The following KIF15 variants were observed in gnomAD, a reference collection of about 807,000 sequenced individuals.
KIF15 encodes the protein kinesin family member 15, also known as kinesin-like protein KIF15.
Under a neutral mutation model 190.6 loss-of-function variants are expected in KIF15, and 140 were observed. That is an observed-to-expected ratio of 0.73 (90% CI 0.64 to 0.84). KIF15 has a LOEUF of 0.84. Among genes scored for constraint, KIF15 ranks in the 40% least tolerant of loss-of-function variants. The pLI is 0.00. For missense variants in KIF15, 1,372 were observed against 1,584.4 expected, an observed-to-expected ratio of 0.87 and a Z score of 2.28; for synonymous variants, 528 against 551.3, an observed-to-expected ratio of 0.96 and a Z score of 0.59.
intron 6 of KIF15, chr3:44,864,037 A>G (rs1392084360): frequency 5.5e-6 from 4 of 730,732 alleles, no homozygotes; most frequent in Non-Finnish European, 9.0e-6. Flanking sequence ...ACTGAGGGTT[A>G]AGTGAAGCCC....
chr3:44,780,093 AG>A (rs201406773), intron 4 of KIF15, among the ~76,000 whole-genome samples: 18,664 of 141,778 alleles, frequency 0.13, 1,857 homozygotes, highest in African/African-American at 0.28. Context: ...TTTTTTTAAA[AG>A]AGATGGAGTC....
intron 10 of KIF15, 31 bp downstream of exon 10, chr3:44,797,987 A>C: frequency 6.4e-7 from 1 of 1,557,202 alleles, no homozygotes; most frequent in Non-Finnish European, 8.7e-7. Flanking sequence ...TCATTAAATA[A>C]ATGAGAAAAA....
At chr3:44,836,068 T>G (rs961995521) in intron 26 of KIF15, among the ~76,000 whole-genome samples, 1 of 152,006 alleles carries the variant, frequency 6.6e-6, no homozygotes, top group Non-Finnish European at 1.5e-5. Context: ...AAAGGAGGGA[T>G]GGGCACGGTG....
At position 44,806,001 on chromosome 3, in the gene KIF15, C is replaced by T. The variant is rs202242655; in HGVS notation, c.1971+15C>T. On this transcript the variant is annotated intron_variant, in intron 16 of 34. Coordinates refer to ENST00000326047, the MANE Select transcript of KIF15 (RefSeq NM_020242.3). ...AAACACTTAAGGTAGGTCATCTGAA[C>T]AATACCTCCACCTTAAATCAGTGCA... The T allele has an allele frequency of 6.2e-7, 1 of 1,611,360 alleles. No individual in the cohort carries two copies. The highest frequency in any genetic ancestry group is 1.1e-5 in the South Asian group (1 of 90,556).
In KIF15 at chr3:44,797,878, T is replaced by A; in HGVS notation, c.1020T>A (p.Val340=). 1 of 1,613,954 alleles carries A rather than the reference T, an allele frequency of 6.2e-7. No individual in the cohort carries two copies. Among genetic ancestry groups the A allele is most frequent in the Non-Finnish European group, 8.5e-7 (1 of 1,179,928 alleles). ...CCAAAACAGCCATAATTGCAAATGT[T>A]CATCCTGGATCCAGGTGTTTTGGGG... ...GNAKTAIIAN[V]HPGSRCFGET... Residue 340 remains valine (V), a synonymous_variant, in exon 10 of 35, where the codon GTT becomes GTA. Transcript: ENST00000326047.
intron 26 of KIF15, among the ~76,000 whole-genome samples, chr3:44,835,545 C>G (rs569178932): frequency 3.9e-5 from 6 of 152,026 alleles, no homozygotes; most frequent in Non-Finnish European, 7.4e-5. Context: ...TGCCTGGCCT[C>G]AAATCCCAGT....
chr3:44,852,263 T>C lies in KIF15; in HGVS notation c.4028T>C (p.Leu1343Ser). ...VECLAEENGK[L>S]VGHQNLHQKI... Reference sequence around the variant, plus strand: ...TGTCTTGCTGAGGAAAATGGAAAGTTGGTAGGTCACCAAAATTTGCATCAG... The same window carrying C: ...TGTCTTGCTGAGGAAAATGGAAAGTCGGTAGGTCACCAAAATTTGCATCAG... The change falls in exon 34 of 35, where the codon TTG becomes TCG. Residue 1343 changes from leucine (L) to serine (S), a missense_variant. By Grantham distance (145) the Leu-to-Ser change is moderately radical (BLOSUM62 -2). Transcript: ENST00000326047. 6.2e-7 allele frequency: 1 copy of C among 1,613,604 alleles called. No individual in the cohort carries two copies. Among genetic ancestry groups the C allele is most frequent in the Non-Finnish European group, 8.5e-7 (1 of 1,179,656 alleles).
rs1209322965 is a variant in KIF15 at position 44,841,157 on chromosome 3, C to A, written c.3504C>A (p.Ala1168=). Residue 1168 remains alanine (A), a synonymous_variant, in exon 29 of 35, where the codon GCC becomes GCA. Coordinates refer to ENST00000326047, the MANE Select transcript of KIF15 (RefSeq NM_020242.3). ...TQEQEIEDGR[A]SKTSLEHLVT... is the part of the protein sequence containing the mutation. ...AACAAGAGATAGAAGATGGAAGAGC[C>A]TCTAAGACTTCTTTGGAACACCTTG... The A allele has an allele frequency of 2.5e-6, 4 of 1,612,918 alleles. No individual in the cohort carries two copies. The highest frequency in any genetic ancestry group is 1.7e-5 in the Admixed American group (1 of 59,938).
rs180702191 is a variant in KIF15, at chr3:44,843,799, G to A, written c.3695+565G>A. Among the ~76,000 whole-genome samples the A allele has an allele frequency of 2.1e-3, 325 of 152,278 alleles. 3 individuals carry two copies. Among genetic ancestry groups the A allele is most frequent in the Non-Finnish European group, 2.9e-3 (200 of 68,014 alleles). The stretch of plus-strand genomic sequence containing the variant: ...CTTATATCTTGTCTTTGACTTAAAA[G>A]TCATACGATTTTCAACATATTTTTT... On this transcript the variant is annotated intron_variant, in intron 30 of 34. Transcript: ENST00000326047.
Position 44,851,901 on chromosome 3 carries a change from A to G in KIF15, c.3921A>G (p.Gln1307=), listed in dbSNP as rs770462276. The G allele has an allele frequency of 5.0e-6, 8 of 1,613,912 alleles. No homozygotes were observed. The South Asian group carries it at 7.7e-5, about 16-fold the overall frequency. ...CTAAAGCATTCCAGGAAAAAGAACA[A>G]CTGAGATCAAAGCTGGAAGAAATGT... ...LESKAFQEKE[Q]LRSKLEEMYE... The change falls in exon 33 of 35, where the codon CAA becomes CAG. Residue 1307 remains glutamine, a synonymous_variant. Coordinates refer to ENST00000326047, the MANE Select transcript of KIF15 (RefSeq NM_020242.3).
intron 6 of KIF15, among the ~76,000 whole-genome samples, chr3:44,859,687 T>C (rs1350029266): frequency 6.6e-6 from 1 of 152,008 alleles, no homozygotes; most frequent in Non-Finnish European, 1.5e-5. Context: ...TAATCTGGGC[T>C]TGATGGTACC....
intron 10 of KIF15, among the ~76,000 whole-genome samples, 160 bp from the exon 11 acceptor site, chr3:44,800,154 C>G (rs997635094): frequency 2.0e-5 from 3 of 152,156 alleles, no homozygotes; most frequent in African/African-American, 7.2e-5. Context: ...GCTTCCTCCC[C>G]ACTTGAGCAC....
rs770874486 is a variant in KIF15 at position 44,775,412 on chromosome 3, A to G, written c.221A>G (p.His74Arg). Reference protein sequence around the residue: ...NPEPKTFTFDHVADVDTTQES... With the variant: ...NPEPKTFTFDRVADVDTTQES... Reference sequence around the variant, plus strand: ...GAGCCCAAGACCTTCACGTTTGATCATGTTGCAGATGTGGATACCACTCAG... The same window carrying G: ...GAGCCCAAGACCTTCACGTTTGATCGTGTTGCAGATGTGGATACCACTCAG... The change falls in exon 3 of 35, where the codon CAT becomes CGT. Residue 74 changes from histidine to arginine, a missense_variant. By Grantham distance (29) the His-to-Arg change is conservative. Transcript: ENST00000326047. The G allele has an allele frequency of 3.7e-6, 6 of 1,610,274 alleles. No individual in the cohort carries two copies. The highest frequency in any genetic ancestry group is 1.1e-5 in the South Asian group (1 of 90,584).
At chr3:44,823,597 CA>C (rs777616677) in intron 20 of KIF15, among the ~76,000 whole-genome samples, 26 of 152,220 alleles carry the variant, frequency 1.7e-4, no homozygotes, top group Non-Finnish European at 5.9e-5. Flanking sequence ...GCCTTTTGCT[CA>C]GCTATGCTCT....
chr3:44,840,728 G>T (rs1410637606), intron 28 of KIF15, among the ~76,000 whole-genome samples: 1 of 141,474 alleles, frequency 7.1e-6, no homozygotes, highest in Non-Finnish European at 1.5e-5. Flanking sequence ...GAGTGCAGTG[G>T]CATGATCTCG....
Position 44,784,842 on chromosome 3 carries a change from T to A in KIF15, c.362-3T>A. 4 of 1,484,546 alleles carry A rather than the reference T, an allele frequency of 2.7e-6. No homozygotes were observed. Among genetic ancestry groups the A allele is most frequent in the Middle Eastern group, 1.8e-4 (1 of 5,578 alleles). The allele number at this position is 1,484,546 out of a possible 1,614,324, so 92.0% of individuals were successfully genotyped here. A position where few individuals can be genotyped will look rare whatever the true frequency, so the allele number is the denominator to read the frequency against. The stretch of plus-strand genomic sequence containing the variant: ...TCCAGTGTTTTTTTTTTCATTTTTT[T>A]AGGACCATCTGAATCTGATAATTTT... On this transcript the variant is annotated splice_region_variant and splice_polypyrimidine_tract_variant and intron_variant, in intron 5 of 34. Coordinates refer to ENST00000326047, the MANE Select transcript of KIF15 (RefSeq NM_020242.3).
chr3:44,797,272 G>C (rs1249906723), intron 8 of KIF15, among the ~76,000 whole-genome samples: 2 of 152,052 alleles, frequency 1.3e-5, no homozygotes, highest in Non-Finnish European at 2.9e-5. Flanking sequence ...CAAGCAACCT[G>C]CCCACCTCGG....
At chr3:44,862,065 C>A (rs770214018) in intron 6 of KIF15, 1 of 1,238,560 alleles carries the variant, frequency 8.1e-7, no homozygotes, top group East Asian at 3.7e-5. Context: ...TGTGCGCCGG[C>A]GCGTTCGGGG....
chr3:44,841,391 AT>A (rs895947332), intron 29 of KIF15, among the ~76,000 whole-genome samples, 153 bp downstream of exon 29: 63 of 142,296 alleles, frequency 4.4e-4, no homozygotes, highest in Non-Finnish European at 4.7e-4. Context: ...AGTAAATTTA[AT>A]TTTTTTTTTT....
Sources: allele counts gnomAD v4.1 joint callset (sites outside exome capture counted in the v4.1 genomes callset), GRCh38; gene constraint gnomAD v4.1.1; transcripts MANE v1.5; gene names NCBI Gene and HGNC (gene_info 2026-07-23, HGNC 2026-07-21).